ADAM8: variants seen among roughly 807,000 people sequenced by gnomAD.
ADAM8 encodes ADAM metallopeptidase domain 8.
ADAM8 carries 104 observed loss-of-function variants against 102.4 expected under a neutral mutation model. That is an observed-to-expected ratio of 1.02 (90% CI 0.87 to 1.20). The LOEUF (loss-of-function observed/expected upper bound fraction) is 1.20, where lower values mean the gene tolerates loss of function less well. ADAM8 is among the 50% of genes most tolerant of loss of function. ADAM8 has a pLI of 0.00. For synonymous variants in ADAM8, 517 were observed against 485.2 expected (o/e 1.07, Z -0.86); for missense variants, 1,132 against 1,159.0 (o/e 0.98, Z 0.34).
intron 19 of ADAM8, 60 bp from the exon 20 acceptor site, chr10:133,268,178 C>G (rs1160830254): frequency 1.6e-6 from 2 of 1,232,052 alleles, no homozygotes; most frequent in Non-Finnish European, 2.1e-6. Flanking sequence ...AGCACCACAC[C>G]CCGAGTCTCT....
At position 133,270,903 on chromosome 10, in the gene ADAM8, C is replaced by T; in HGVS notation, c.1542G>A (p.Gln514=). 1 of 1,612,072 alleles carries T rather than the reference C, an allele frequency of 6.2e-7. No homozygotes were observed. The highest frequency in any genetic ancestry group is 8.5e-7 in the Non-Finnish European group (1 of 1,179,438). ...YNGACPTLAQ[Q]CQAFWGPGGQ... ...CACCTGGCCCCCAGAAGGCCTGGCA[C>T]TGCTGGGCCAGTGTGGGACAGGCCC... is the stretch of plus-strand genomic sequence containing the variant. Residue 514 remains glutamine (Q), a synonymous_variant, in exon 14 of 23, where the codon CAG becomes CAA. Coordinates refer to ENST00000445355, the MANE Select transcript of ADAM8 (RefSeq NM_001109.5).
rs144748886 is a variant in ADAM8 at position 133,270,570 on chromosome 10, A to G, written c.1635-60T>C. Reference sequence around the variant, plus strand: ...CTGGGAGCATGCTGGGGAGCCCAGGAGCCACAGTGACCCACCTCCCTCCCA... The same window carrying G: ...CTGGGAGCATGCTGGGGAGCCCAGGGGCCACAGTGACCCACCTCCCTCCCA... On this transcript the variant is annotated intron_variant, in intron 15 of 22. Coordinates refer to ENST00000445355, the MANE Select transcript of ADAM8 (RefSeq NM_001109.5). 1,561 of 1,557,602 alleles carry G rather than the reference A, an allele frequency of 1.0e-3. 8 individuals carry two copies. The African/African-American group carries it at 0.019, about 19-fold the overall frequency.
rs553707790 is a variant in ADAM8, at chr10:133,268,039, C to T, written c.2143G>A (p.Gly715Arg). 22 of 1,262,870 alleles carry T rather than the reference C, an allele frequency of 1.7e-5. No individual in the cohort carries two copies. The East Asian group carries it at 4.3e-4, about 25-fold the overall frequency. The allele number at this position is 1,262,870 out of a possible 1,614,324, so 78.2% of individuals were successfully genotyped here. The change falls in exon 20 of 23, where the codon GGG becomes AGG. Residue 715 changes from glycine (G) to arginine (R), a missense_variant. Physicochemically the swap from Gly to Arg is moderately radical, Grantham distance 125. Coordinates refer to ENST00000445355, the MANE Select transcript of ADAM8 (RefSeq NM_001109.5). Reference protein sequence around the residue: ...QAASRVPAKGGAPAPSRGPQE... With the variant: ...QAASRVPAKGRAPAPSRGPQE... Reference sequence around the variant, plus strand: ...GGGCCCCTGGATGGGGCTGGAGCCCCGCCCTTGGCCGGCACGCGGCTGGCA... The same window carrying T: ...GGGCCCCTGGATGGGGCTGGAGCCCTGCCCTTGGCCGGCACGCGGCTGGCA...
At position 133,272,972 on chromosome 10, in the gene ADAM8, G is replaced by A. The variant is rs760236957; in HGVS notation, c.621C>T (p.Val207=). ...RETRYVELYV[V]VDNAEFQMLG... ...CCCAACACACCTCTGCATTGTCCAC[G>A]ACCACATACAGCTCCACGTAGCGGG... Residue 207 remains valine, a synonymous_variant, in exon 7 of 23, where the codon GTC becomes GTT. Coordinates refer to ENST00000445355, the MANE Select transcript of ADAM8 (RefSeq NM_001109.5). The A allele has an allele frequency of 2.5e-6, 4 of 1,612,728 alleles. No homozygotes were observed. The highest frequency in any genetic ancestry group is 3.3e-5 in the Admixed American group (2 of 60,012).
chr10:133,273,526 G>A, intron 5 of ADAM8, 83 bp from the exon 6 acceptor site: 2 of 1,428,132 alleles, frequency 1.4e-6, no homozygotes. Flanking sequence ...CCAGTTTGTT[G>A]CCTACAGCTC....
intron 6 of ADAM8, 88 bp downstream of exon 6, chr10:133,273,166 C>G (rs150478228): frequency 6.3e-7 from 1 of 1,580,300 alleles, no homozygotes; most frequent in Non-Finnish European, 8.6e-7. Context: ...ATGGGCAGCA[C>G]CCAGCACATG....
At position 133,263,155 on chromosome 10, in the gene ADAM8, C is replaced by T; in HGVS notation, c.*1G>A. 1.2e-6 allele frequency: 2 copies of T among 1,613,984 alleles called. No individual in the cohort carries two copies. The highest frequency in any genetic ancestry group is 1.1e-5 in the South Asian group (1 of 91,078). On this transcript the variant is annotated 3_prime_UTR_variant, in exon 23 of 23. Transcript: ENST00000445355. ...ATTTCCACACAGGCGCAGGTGCCCC[C>T]CTAGGGTGCTGTGGGAGCTCCGGCT...
At chr10:133,276,677 C>A in intron 1 of ADAM8, 95 bp downstream of exon 1, 1 of 1,459,382 alleles carries the variant, frequency 6.9e-7, no homozygotes, top group South Asian at 1.3e-5. Flanking sequence ...GTGCGGGGTG[C>A]GAGCAGGCCA....
intron 12 of ADAM8, 53 bp from the exon 13 acceptor site, chr10:133,271,342 C>T: frequency 6.4e-7 from 1 of 1,571,068 alleles, no homozygotes; most frequent in Non-Finnish European, 8.6e-7. Flanking sequence ...GGCTGGGCTC[C>T]AGGGCGGACC....
Position 133,273,809 on chromosome 10 carries a change from C to A in ADAM8, c.336G>T (p.Glu112Asp). 1 of 1,549,316 alleles carries A rather than the reference C, an allele frequency of 6.5e-7. No individual in the cohort carries two copies. Among genetic ancestry groups the A allele is most frequent in the South Asian group, 1.2e-5 (1 of 84,040 alleles). ...QDHCFYQGHVEGYPDSAASLS... is the reference protein window; with the variant it reads ...QDHCFYQGHVDGYPDSAASLS... ...GGCTGGCGGCTGAGTCCGGGTACCC[C>A]TCTACGTGGCCCTGGTAGAAGCAGT... Residue 112 changes from glutamate (E) to aspartate (D), a missense_variant, in exon 5 of 23, where the codon GAG (glutamate) becomes GAT (aspartate). Transcript: ENST00000445355.
chr10:133,272,747 C>CT (rs974426460), intron 8 of ADAM8, 51 bp downstream of exon 8: 1 of 1,563,984 alleles, frequency 6.4e-7, no homozygotes. Context: ...AACACCCCCC[C>CT]CACCTCCCGC....
At chr10:133,270,301 C>T (rs962289155) in intron 16 of ADAM8, 59 bp downstream of exon 16, 61 of 1,542,326 alleles carry the variant, frequency 4.0e-5, no homozygotes, top group African/African-American at 6.8e-5. Flanking sequence ...TCTGCACCCA[C>T]GTGGGGCACA....
intron 8 of ADAM8, 40 bp downstream of exon 8, chr10:133,272,758 C>G (rs141597080): frequency 0.016 from 25,424 of 1,580,262 alleles, 272 homozygotes; most frequent in Middle Eastern, 0.034. Flanking sequence ...CACCTCCCGC[C>G]AGGGGCTCTG....
chr10:133,269,655 T>C (rs1359495151), intron 17 of ADAM8, 126 bp from the exon 18 acceptor site: 1 of 1,058,234 alleles, frequency 9.4e-7, no homozygotes, highest in African/African-American at 1.6e-5. Context: ...CCTGCCCACA[T>C]GCGCCGACGG....
chr10:133,272,741 C>CA, intron 8 of ADAM8, 57 bp downstream of exon 8: 1 of 1,387,678 alleles, frequency 7.2e-7, no homozygotes, highest in Non-Finnish European at 9.4e-7. Context: ...TGTGGCAACA[C>CA]CCCCCCCACC....
At position 133,273,664 on chromosome 10, in the gene ADAM8, G is replaced by A. The variant is rs537062384; in HGVS notation, c.383+98C>T. 1.1e-3 allele frequency: 1,523 copies of A among 1,394,196 alleles called. 10 individuals carry two copies. In the African/African-American group the frequency reaches 0.02, roughly 18 times the overall value. 86.4% of individuals were successfully genotyped at this position (1,394,196 alleles called of 1,614,324 possible). A position where few individuals can be genotyped will look rare whatever the true frequency, so the allele number is the denominator to read the frequency against. ...AAGACAGCAAAGGCCTGAGTGGGAG[G>A]AGGAGGCACCCTCCCTGCCTCCCTT... On this transcript the variant is annotated intron_variant, in intron 5 of 22. Transcript: ENST00000445355.
At chr10:133,270,278 G>A in intron 16 of ADAM8, 82 bp downstream of exon 16, 3 of 1,505,928 alleles carry the variant, frequency 2.0e-6, no homozygotes, top group Middle Eastern at 2.4e-4. Context: ...CAGCTGCCAA[G>A]CTCAGAAACG....
chr10:133,269,521 G>A lies in ADAM8; in HGVS notation c.1872C>T (p.Asn624=). ...CGTGGCAGTGGCACTCCTGCTTGTG[G>A]TTGCACACCTGCGGGGACGGCTGGG... is the stretch of plus-strand genomic sequence containing the variant. The part of the protein sequence containing the change: ...SAQCHNHGVC[N]HKQECHCHAG... Residue 624 remains asparagine, a synonymous_variant, in exon 18 of 23, where the codon AAC becomes AAT. Transcript: ENST00000445355. 2.5e-6 allele frequency: 4 copies of A among 1,597,730 alleles called. No individual in the cohort carries two copies. The highest frequency in any genetic ancestry group is 3.4e-6 in the Non-Finnish European group (4 of 1,177,712).
chr10:133,268,902 G>A (rs370708573), intron 18 of ADAM8, 40 bp from the exon 19 acceptor site: 133 of 1,587,542 alleles, frequency 8.4e-5, no homozygotes, highest in Middle Eastern at 1.6e-4. Context: ...GGCAGGCCGC[G>A]ACCTCAGGCA....
Sources: gnomAD v4.1 joint callset for allele counts on GRCh38, gnomAD v4.1.1 for gene constraint, MANE v1.5 for transcripts, NCBI Gene and HGNC (gene_info 2026-07-23, HGNC 2026-07-21) for gene names.